ZBTB20: variants seen among roughly 807,000 people sequenced by gnomAD.
ZBTB20 encodes zinc finger and BTB domain-containing protein 20.
A neutral mutation model predicts 56.9 loss-of-function variants in ZBTB20; 9 were observed. The observed-to-expected ratio is 0.16, with a 90% confidence interval of 0.10 to 0.28. The LOEUF is 0.28. Ranked by LOEUF, ZBTB20 falls within the 10% of genes least tolerant of loss-of-function variation. The pLI, the probability that ZBTB20 is intolerant of heterozygous loss-of-function variation, is 1.00. For missense variants in ZBTB20, 655 were observed against 1,003.0 expected, an observed-to-expected ratio of 0.65 and a Z score of 4.69; for synonymous variants, 417 against 420.7, an observed-to-expected ratio of 0.99 and a Z score of 0.11.
In ZBTB20 at chr3:114,840,302, G is replaced by A. The variant is rs751331923; in HGVS notation, c.-416-39128C>T. ...ACGCATGTGCAACATGTCTACAGAC[G>A]TTAAAAACTGTTGTTTTCCTTGAAA... On this transcript the variant is annotated intron_variant, in intron 4 of 11. Transcript: ENST00000675478. Among the ~76,000 whole-genome samples, 27 of 152,182 alleles carry A rather than the reference G, an allele frequency of 1.8e-4. 1 individual carries two copies. Among genetic ancestry groups the A allele is most frequent in the Non-Finnish European group, 3.8e-4 (26 of 68,030 alleles).
intron 2 of ZBTB20, among the ~76,000 whole-genome samples, chr3:115,058,396 T>G (rs2108465810): frequency 6.6e-6 from 1 of 152,292 alleles, no homozygotes; most frequent in East Asian, 1.9e-4. Context: ...ATAGTTGAAA[T>G]CTCTAGATCT....
At chr3:114,876,964 C>T (rs771989880) in intron 4 of ZBTB20, among the ~76,000 whole-genome samples, 30 of 152,086 alleles carry the variant, frequency 2.0e-4, no homozygotes, top group Admixed American at 4.6e-4. Context: ...TTAGCTGCTC[C>T]TAAACAGAAC....
chr3:114,828,849 GTTTCTC>G (rs1255403132), intron 4 of ZBTB20, among the ~76,000 whole-genome samples: 2 of 151,852 alleles, frequency 1.3e-5, no homozygotes, highest in Non-Finnish European at 2.9e-5. Flanking sequence ...TTAAGTTTAA[GTTTCTC>G]TTAAAATCAG....
intron 7 of ZBTB20, among the ~76,000 whole-genome samples, chr3:114,431,539 C>T (rs2090122826): frequency 6.6e-6 from 1 of 152,128 alleles, no homozygotes; most frequent in Non-Finnish European, 1.5e-5. Flanking sequence ...CAATTATTTT[C>T]TATTTATGAC....
chr3:115,021,836 C>T (rs539314063), intron 2 of ZBTB20, among the ~76,000 whole-genome samples: 24 of 150,536 alleles, frequency 1.6e-4, no homozygotes, highest in Non-Finnish European at 3.0e-4. Context: ...TACATTTCCA[C>T]TGAGAATGCT....
At position 115,029,810 on chromosome 3, in the gene ZBTB20, T is replaced by C. The variant is rs1216389155; in HGVS notation, c.-507+41409A>G. 2.0e-5 allele frequency among the ~76,000 whole-genome samples: 3 copies of C among 150,904 alleles called. No individual in the cohort carries two copies. In the East Asian group the frequency reaches 5.8e-4, roughly 29 times the overall value. The stretch of plus-strand genomic sequence containing the variant: ...AGAAATAGAAGCAAATACAGAAGAA[T>C]TTTTAATCTTATCTTGGGTTGGAGA... On this transcript the variant is annotated intron_variant, in intron 2 of 11. Transcript: ENST00000675478.
intron 6 of ZBTB20, among the ~76,000 whole-genome samples, chr3:114,649,655 T>C (rs1192315107): frequency 2.0e-5 from 3 of 151,978 alleles, no homozygotes; most frequent in Non-Finnish European, 4.4e-5. Context: ...GCTTTCTATA[T>C]ATAGAAAAAA....
chr3:114,472,526 T>C (rs1303399560), intron 7 of ZBTB20, among the ~76,000 whole-genome samples: 1 of 152,088 alleles, frequency 6.6e-6, no homozygotes, highest in Non-Finnish European at 1.5e-5. Flanking sequence ...CCTGACCAAC[T>C]TGGTGAAACC....
chr3:114,844,005 G>A (rs1379811542), intron 4 of ZBTB20, among the ~76,000 whole-genome samples: 5 of 151,936 alleles, frequency 3.3e-5, no homozygotes, highest in African/African-American at 1.2e-4. Context: ...ATAAAGACTT[G>A]TGCACAGATG....
chr3:114,344,880 C>T lies in ZBTB20; in HGVS notation c.1804+5394G>A, dbSNP rs79423508. Among the ~76,000 whole-genome samples the T allele has an allele frequency of 3.9e-5, 6 of 152,100 alleles. No homozygotes were observed. The East Asian group carries it at 5.8e-4, about 15-fold the overall frequency. ...TTCTCAAAGTAATAAGCAAAATTAC[C>T]GTATGTGCAGAGGATACCAATGGGC... On this transcript the variant is annotated intron_variant, in intron 11 of 11. Transcript: ENST00000675478.
At chr3:114,814,260 T>G (rs1358850962) in intron 4 of ZBTB20, among the ~76,000 whole-genome samples, 1 of 149,208 alleles carries the variant, frequency 6.7e-6, no homozygotes. Flanking sequence ...TTTCACTTAC[T>G]GTCATTTATA....
intron 10 of ZBTB20, among the ~76,000 whole-genome samples, chr3:114,357,554 G>GT (rs1446698207): frequency 6.6e-6 from 1 of 152,070 alleles, no homozygotes; most frequent in Non-Finnish European, 1.5e-5. Flanking sequence ...AAGGTCCTTG[G>GT]TTTTATGTTT....
intron 4 of ZBTB20, among the ~76,000 whole-genome samples, chr3:114,860,772 T>G (rs944516227): frequency 6.6e-6 from 1 of 152,216 alleles, no homozygotes; most frequent in Non-Finnish European, 1.5e-5. Flanking sequence ...TTCAAAAGCA[T>G]CTTCAGGGAC....
At chr3:114,690,375 G>A (rs1189502882) in intron 6 of ZBTB20, among the ~76,000 whole-genome samples, 2 of 152,112 alleles carry the variant, frequency 1.3e-5, no homozygotes, top group Non-Finnish European at 2.9e-5. Flanking sequence ...GTTACATCCT[G>A]AATTTCTGAT....
intron 6 of ZBTB20, among the ~76,000 whole-genome samples, chr3:114,681,196 G>A (rs1229969163): frequency 7.3e-6 from 1 of 137,580 alleles, no homozygotes; most frequent in African/African-American, 2.7e-5. Context: ...GTCTCACTCC[G>A]TAACCCAGAT....
chr3:115,107,864 C>T (rs1401039039), intron 1 of ZBTB20, among the ~76,000 whole-genome samples: 2 of 152,158 alleles, frequency 1.3e-5, no homozygotes, highest in Admixed American at 6.5e-5. Context: ...ATCTGGAAGA[C>T]ATAATCCTCA....
intron 2 of ZBTB20, among the ~76,000 whole-genome samples, chr3:115,069,613 T>C (rs2082334063): frequency 6.6e-6 from 1 of 152,040 alleles, no homozygotes; most frequent in Non-Finnish European, 1.5e-5. Context: ...AGGTTGGAGG[T>C]AGAAAATGGA....
intron 6 of ZBTB20, among the ~76,000 whole-genome samples, chr3:114,626,870 G>A (rs771671988): frequency 2.6e-5 from 4 of 152,174 alleles, no homozygotes; most frequent in Admixed American, 6.5e-5. Flanking sequence ...TTGATTAATT[G>A]TGGGTCTGAC....
chr3:114,512,084 A>G (rs896269488), intron 6 of ZBTB20, among the ~76,000 whole-genome samples: 1 of 152,148 alleles, frequency 6.6e-6, no homozygotes, highest in African/African-American at 2.4e-5. Flanking sequence ...AGACCAATAC[A>G]GTATGTCCCT....
Sources: allele counts gnomAD v4.1 joint callset (sites outside exome capture counted in the v4.1 genomes callset), GRCh38; gene constraint gnomAD v4.1.1; transcripts MANE v1.5; gene names NCBI Gene and HGNC (gene_info 2026-07-23, HGNC 2026-07-21).